The following EYS variants were observed in gnomAD, a reference collection of about 807,000 sequenced individuals.
EYS encodes protein eyes shut homolog.
EYS carries 250 observed loss-of-function variants against 282.1 expected under a neutral mutation model. The observed-to-expected ratio is 0.89, with a 90% CI of 0.80 to 0.98. The LOEUF (loss-of-function observed/expected upper bound fraction) is 0.98. Among genes scored for constraint, EYS ranks in the 50% least tolerant of loss-of-function variants. The pLI, the probability that EYS is intolerant of heterozygous loss-of-function variation, is 0.00. For missense variants in EYS, 4,016 were observed against 3,709.0 expected, an observed-to-expected ratio of 1.08 and a Z score of -2.15; for synonymous variants, 1,355 against 1,282.9, an observed-to-expected ratio of 1.06 and a Z score of -1.20.
intron 22 of EYS, among the ~76,000 whole-genome samples, chr6:64,808,563 A>T (rs1000248075): frequency 1.4e-5 from 2 of 138,940 alleles, no homozygotes; most frequent in Admixed American, 7.1e-5. Context: ...TGTGCCTGAG[A>T]ACGTTAGACA....
chr6:64,802,023 CTTTTTTTTTCTTTTT>C (rs1764251871), intron 22 of EYS, among the ~76,000 whole-genome samples: 1 of 70,780 alleles, frequency 1.4e-5, no homozygotes, highest in South Asian at 6.2e-4. Context: ...ATTTCTTTTT[CTTTTTTTTTCTTTTT>C]TTTTTTTTTT....
chr6:63,813,126 C>A (rs1343163935), intron 36 of EYS, among the ~76,000 whole-genome samples: 1 of 151,978 alleles, frequency 6.6e-6, no homozygotes, highest in African/African-American at 2.4e-5. Context: ...CTACAGGCAT[C>A]CGCCACCATG....
At chr6:64,798,710 T>G (rs1774442036) in intron 22 of EYS, among the ~76,000 whole-genome samples, 1 of 151,086 alleles carries the variant, frequency 6.6e-6, no homozygotes, top group Admixed American at 6.6e-5. Context: ...AGGAGATCCT[T>G]AGTCTCCTTC....
At chr6:64,474,882 CT>C (rs1162987136) in intron 26 of EYS, among the ~76,000 whole-genome samples, 3 of 152,156 alleles carry the variant, frequency 2.0e-5, no homozygotes, top group Non-Finnish European at 4.4e-5. Context: ...GTACTTTTCA[CT>C]TATGTTCCTC....
intron 35 of EYS, among the ~76,000 whole-genome samples, chr6:63,964,979 A>G (rs559679355): frequency 1.3e-5 from 2 of 152,340 alleles, no homozygotes; most frequent in Non-Finnish European, 2.9e-5. Context: ...TGCTTAGTTT[A>G]GCTTCATGGA....
At chr6:65,606,826 A>G (rs1461694543) in intron 2 of EYS, among the ~76,000 whole-genome samples, 2 of 151,776 alleles carry the variant, frequency 1.3e-5, no homozygotes, top group African/African-American at 4.8e-5. Context: ...AGTAAAAAAG[A>G]GAAGTTTACC....
intron 32 of EYS, among the ~76,000 whole-genome samples, chr6:64,081,187 T>C (rs1771953145): frequency 6.6e-6 from 1 of 152,150 alleles, no homozygotes; most frequent in Admixed American, 6.6e-5. Flanking sequence ...ACCTCCAATA[T>C]GAGGAATTGT....
At chr6:63,761,166 A>C (rs1160077626) in intron 41 of EYS, among the ~76,000 whole-genome samples, 1 of 151,844 alleles carries the variant, frequency 6.6e-6, no homozygotes, top group Non-Finnish European at 1.5e-5. Flanking sequence ...TAGCAAGGTG[A>C]AGTGATAGCA....
intron 26 of EYS, among the ~76,000 whole-genome samples, chr6:64,448,727 C>T (rs1466890991): frequency 3.3e-5 from 5 of 152,182 alleles, no homozygotes; most frequent in African/African-American, 2.4e-5. Context: ...TCCTCCACTG[C>T]TGATACTCAG....
At chr6:64,387,125 T>A (rs559714479) in intron 29 of EYS, among the ~76,000 whole-genome samples, 20 of 152,248 alleles carry the variant, frequency 1.3e-4, no homozygotes, top group Non-Finnish European at 2.6e-4. Context: ...TAATAATAAA[T>A]TATGTCTACT....
intron 22 of EYS, among the ~76,000 whole-genome samples, chr6:64,676,668 T>A (rs1769697849): frequency 1.3e-5 from 2 of 152,178 alleles, no homozygotes; most frequent in African/African-American, 4.8e-5. Flanking sequence ...AGCTTATGAA[T>A]AATAGAAATT....
chr6:64,396,416 G>T (rs1050406581), intron 28 of EYS, among the ~76,000 whole-genome samples: 1 of 151,926 alleles, frequency 6.6e-6, no homozygotes, highest in African/African-American at 2.4e-5. Context: ...GTATCTTACT[G>T]TTTTAGTTTT....
intron 12 of EYS, among the ~76,000 whole-genome samples, chr6:65,118,105 T>C (rs1252281862): frequency 6.6e-6 from 1 of 152,194 alleles, no homozygotes; most frequent in African/African-American, 2.4e-5. Flanking sequence ...AGAAGAAAGT[T>C]AACTGAGATT....
intron 9 of EYS, among the ~76,000 whole-genome samples, chr6:65,351,418 T>C (rs2150325551): frequency 6.6e-6 from 1 of 151,948 alleles, no homozygotes; most frequent in South Asian, 2.1e-4. Flanking sequence ...ATTTTAACTT[T>C]GTATTACACC....
intron 5 of EYS, among the ~76,000 whole-genome samples, chr6:65,420,106 C>T (rs1767398125): frequency 6.6e-6 from 1 of 151,924 alleles, no homozygotes; most frequent in South Asian, 2.1e-4. Context: ...ATTGGAGAAG[C>T]TGTGATAATT....
chr6:65,027,499 T>C lies in EYS; in HGVS notation c.2138-29796A>G, dbSNP rs146583927. On this transcript the variant is annotated intron_variant, in intron 13 of 42. Coordinates refer to ENST00000503581, the MANE Select transcript of EYS (RefSeq NM_001142800.2). The stretch of plus-strand genomic sequence containing the variant: ...TTGATTTTGACAAACATGTGTACCA[T>C]CACAGGACTGGATTAAACAATTACA... Among the ~76,000 whole-genome samples the C allele has an allele frequency of 4.1e-4, 62 of 152,316 alleles. 1 individual carries two copies. Among genetic ancestry groups the C allele is most frequent in the Admixed American group, 9.8e-4 (15 of 15,300 alleles).
At chr6:65,171,150 G>A (rs2150227465) in intron 12 of EYS, among the ~76,000 whole-genome samples, 1 of 151,576 alleles carries the variant, frequency 6.6e-6, no homozygotes, top group East Asian at 2.0e-4. Context: ...GGCAGCTTTA[G>A]GAAAGCATGT....
intron 35 of EYS, among the ~76,000 whole-genome samples, chr6:63,880,063 A>AT (rs1773085540): frequency 6.6e-6 from 1 of 152,156 alleles, no homozygotes; most frequent in South Asian, 2.1e-4. Context: ...ATTTACATAT[A>AT]TTTAGGGCAT....
intron 29 of EYS, among the ~76,000 whole-genome samples, chr6:64,355,392 G>T (rs933393982): frequency 6.6e-6 from 1 of 151,618 alleles, no homozygotes; most frequent in East Asian, 2.0e-4. Flanking sequence ...TGAGAATTAA[G>T]ATAACATTAA....
Sources: allele counts gnomAD v4.1 joint callset (sites outside exome capture counted in the v4.1 genomes callset), GRCh38; gene constraint gnomAD v4.1.1; transcripts MANE v1.5; gene names NCBI Gene and HGNC (gene_info 2026-07-23, HGNC 2026-07-21).